Variants in DDX18 observed in about 807,000 individuals in gnomAD.
The protein encoded by DDX18 is ATP-dependent RNA helicase DDX18.
DDX18 carries 23 observed loss-of-function variants against 73.5 expected under a neutral mutation model. The ratio of observed to expected loss-of-function variants is 0.31; its 90% CI spans 0.23 to 0.44. The LOEUF (loss-of-function observed/expected upper bound fraction) is 0.44. Ranked by LOEUF, DDX18 falls within the 20% of genes least tolerant of loss-of-function variation. The pLI, the probability that DDX18 is intolerant of heterozygous loss-of-function variation, is 1.00. For synonymous variants in DDX18, 268 were observed against 282.7 expected, an observed-to-expected ratio of 0.95 and a Z score of 0.52; for missense variants, 753 against 792.9, an observed-to-expected ratio of 0.95 and a Z score of 0.60.
intron 6 of DDX18, 22 bp downstream of exon 6, chr2:117,822,083 T>C: frequency 2.5e-6 from 4 of 1,613,972 alleles, no homozygotes; most frequent in Non-Finnish European, 3.4e-6. Flanking sequence ...AGTGCTTGTC[T>C]CATTGTCTTG....
At position 117,826,164 on chromosome 2, in the gene DDX18, A is replaced by AC. The variant is rs1679924606; in HGVS notation, c.1522-104dup. 2.6e-5 allele frequency: 22 copies of AC among 847,010 alleles called. No individual in the cohort carries two copies. The South Asian group carries it at 3.6e-4, about 14-fold the overall frequency. 52.5% of individuals were successfully genotyped at this position (847,010 alleles called of 1,614,324 possible). On this transcript the variant is annotated intron_variant, in intron 10 of 13. Transcript: ENST00000263239. ...GGTGTGTGTGGCCCAGCACCGTGGG[A>AC]CTACACCATCTCAGTACAGACATGC...
intron 11 of DDX18, 133 bp downstream of exon 11, chr2:117,826,515 A>C (rs867505229): frequency 3.7e-6 from 3 of 812,894 alleles, no homozygotes; most frequent in Admixed American, 2.4e-5. Flanking sequence ...TTAAGCAAGT[A>C]AGGTTTTATG....
chr2:117,819,623 T>C, intron 2 of DDX18, 26 bp from the exon 3 acceptor site: 4 of 1,537,762 alleles, frequency 2.6e-6, no homozygotes, highest in Non-Finnish European at 3.5e-6. Flanking sequence ...AAAAATTTTT[T>C]CGGATTTTGT....
chr2:117,817,838 C>T (rs72834313), intron 2 of DDX18, 110 bp downstream of exon 2: 86,520 of 1,171,740 alleles, frequency 0.074, 3,693 homozygotes, highest in Non-Finnish European at 0.084. Context: ...CCTGTACTCA[C>T]CAGTATGTTA....
rs59119058 is a variant in DDX18 at position 117,826,034 on chromosome 2, CTTTTTTTTTTTTT to C, written c.1522-219_1522-207del. On this transcript the variant is annotated intron_variant, in intron 10 of 13. Coordinates refer to ENST00000263239, the MANE Select transcript of DDX18 (RefSeq NM_006773.4). ...TGTTAATGCAAACATCATGTCCAGC[CTTTTTTTTTTTTT>C]TTTTTTTTTTTTTTTGGGCCTCAAT... 75 of 97,296 alleles carry C rather than the reference CTTTTTTTTTTTTT, an allele frequency of 7.7e-4. 1 individual carries two copies. The highest frequency in any genetic ancestry group is 4.9e-3 in the African/African-American group (59 of 12,054). 6.0% of individuals were successfully genotyped at this position (97,296 alleles called of 1,614,324 possible).
At chr2:117,816,629 AAGG>A (rs984583171) in intron 1 of DDX18, among the ~76,000 whole-genome samples, 81 of 152,318 alleles carry the variant, frequency 5.3e-4, no homozygotes, top group African/African-American at 1.9e-3. Flanking sequence ...TAATAAGTAA[AAGG>A]AGTAAACTCT....
rs1263115095 is a variant in DDX18 at position 117,814,894 on chromosome 2, G to A, written c.85+32G>A. The A allele has an allele frequency of 3.7e-6, 6 of 1,613,018 alleles. No homozygotes were observed. In the South Asian group the frequency reaches 5.5e-5, roughly 15 times the overall value. On this transcript the variant is annotated intron_variant, in intron 1 of 13. Transcript: ENST00000263239. ...TGCGTTGACTCGCGGTGGCTCAGAA[G>A]ACCCACGCGCGAGCCCTGGCGCGTT...
chr2:117,815,163 G>C (rs1178036697), intron 1 of DDX18: 1 of 356,006 alleles, frequency 2.8e-6, no homozygotes, highest in Non-Finnish European at 5.2e-6. Context: ...TTCCACCTTA[G>C]CTTTTGGTTC....
At chr2:117,817,405 C>T (rs978687204) in intron 1 of DDX18, 39 bp from the exon 2 acceptor site, 2 of 1,519,358 alleles carry the variant, frequency 1.3e-6, no homozygotes, top group African/African-American at 1.4e-5. Flanking sequence ...GTAAACTTCT[C>T]CTTCTTTGTC....
chr2:117,828,747 C>G, intron 11 of DDX18: 2 of 556,234 alleles, frequency 3.6e-6, no homozygotes, highest in Non-Finnish European at 3.2e-6. Context: ...CCTTGCCTTT[C>G]AGAAAGAAAG....
rs759386381 is a variant in DDX18 at position 117,821,944 on chromosome 2, C to T, written c.834C>T (p.His278=). 49 of 1,613,960 alleles carry T rather than the reference C, an allele frequency of 3.0e-5. No individual in the cohort carries two copies. In the Middle Eastern group the frequency reaches 2.5e-3, roughly 81 times the overall value. The part of the protein sequence containing the change: ...FGVLKELMTH[H]VHTYGLIMGG... Reference sequence around the variant, plus strand: ...TTCTTAAGGAGCTGATGACTCACCACGTGCATACCTATGGCTTGATAATGG... The same window carrying T: ...TTCTTAAGGAGCTGATGACTCACCATGTGCATACCTATGGCTTGATAATGG... Residue 278 remains histidine, a synonymous_variant, in exon 6 of 14, where the codon CAC becomes CAT. Transcript: ENST00000263239.
intron 13 of DDX18, among the ~76,000 whole-genome samples, 165 bp from the exon 14 acceptor site, chr2:117,830,417 T>G (rs1221363982): frequency 6.6e-6 from 1 of 152,250 alleles, no homozygotes. Context: ...TGGCCACTCC[T>G]AATTTTCTGG....
At position 117,829,486 on chromosome 2, in the gene DDX18, A is replaced by C; in HGVS notation, c.1870+20A>C. On this transcript the variant is annotated intron_variant, in intron 13 of 13. Transcript: ENST00000263239. ...ATCTGAGTATCCTTTTCTTTAATGA[A>C]GTTATCCTGTGACTAAGGAACAAAA... is the stretch of plus-strand genomic sequence containing the variant. 1 of 1,597,506 alleles carries C rather than the reference A, an allele frequency of 6.3e-7. No individual in the cohort carries two copies. The highest frequency in any genetic ancestry group is 1.4e-5 in the African/African-American group (1 of 73,996).
At chr2:117,815,174 C>T (rs949338545) in intron 1 of DDX18, 9 of 330,302 alleles carry the variant, frequency 2.7e-5, no homozygotes, top group South Asian at 1.2e-4. Context: ...CTTTTGGTTC[C>T]CTCACCACCT....
intron 3 of DDX18, among the ~76,000 whole-genome samples, chr2:117,820,308 C>T (rs1215649507): frequency 1.3e-5 from 2 of 152,142 alleles, no homozygotes; most frequent in African/African-American, 2.4e-5. Context: ...TAGTAGCTCT[C>T]GAGCAGGGAA....
In DDX18 at chr2:117,817,719, G is replaced by A; in HGVS notation, c.361G>A (p.Ala121Thr). 1 of 1,600,602 alleles carries A rather than the reference G, an allele frequency of 6.2e-7. No individual in the cohort carries two copies. The highest frequency in any genetic ancestry group is 1.1e-5 in the South Asian group (1 of 87,472). The change falls in exon 2 of 14, where the codon GCT becomes ACT. Residue 121 changes from alanine (A) to threonine (T), a missense_variant. Ala to Thr is a moderately conservative substitution (Grantham distance 58). This residue lies in a region of DDX18 where 345 missense variants were observed against 352.0 expected (regional missense o/e 0.98). Transcript: ENST00000263239. Reference sequence around the variant, plus strand: ...GAAAAAGAGAAAAATGGTGAATGATGCTGAGCCTGGTAGGTATTTATTATC... The same window carrying A: ...GAAAAAGAGAAAAATGGTGAATGATACTGAGCCTGGTAGGTATTTATTATC... ...KKKKRKMVND[A>T]EPDTKKAKTE...
rs1680016879 is a variant in DDX18 at position 117,831,083 on chromosome 2, G to A, written c.*359G>A. 9.1e-6 allele frequency: 2 copies of A among 220,660 alleles called. No individual in the cohort carries two copies. The highest frequency in any genetic ancestry group is 1.4e-4 in the South Asian group (2 of 14,676). The allele number at this position is 220,660 out of a possible 1,614,324, so 13.7% of individuals were successfully genotyped here. On this transcript the variant is annotated 3_prime_UTR_variant, in exon 14 of 14. Transcript: ENST00000263239. ...GTTTTGCGAAGATTTTTGTGGCATGGATTGCTGTGCTCACTGCTGTAAAAG... is the reference window on the plus strand; with the variant it reads ...GTTTTGCGAAGATTTTTGTGGCATGAATTGCTGTGCTCACTGCTGTAAAAG...
At position 117,821,309 on chromosome 2, in the gene DDX18, T is replaced by A; in HGVS notation, c.650+13T>A. 8.8e-6 allele frequency: 14 copies of A among 1,593,012 alleles called. No homozygotes were observed. Among genetic ancestry groups the A allele is most frequent in the Non-Finnish European group, 1.2e-5 (14 of 1,173,352 alleles). On this transcript the variant is annotated intron_variant, in intron 4 of 13. Transcript: ENST00000263239. Reference sequence around the variant, plus strand: ...TTCTGGAAGGCAGGTATGATTAACATTGAAGCTTAGATATTGGCATCTATT... The same window carrying A: ...TTCTGGAAGGCAGGTATGATTAACAATGAAGCTTAGATATTGGCATCTATT...
At chr2:117,821,474 G>C (rs1309001144) in intron 4 of DDX18, among the ~76,000 whole-genome samples, 176 bp from the exon 5 acceptor site, 5 of 152,194 alleles carry the variant, frequency 3.3e-5, no homozygotes, top group Non-Finnish European at 5.9e-5. Flanking sequence ...AAGGTGTTCT[G>C]CTTCTGTTGT....
Sources: gnomAD v4.1 joint callset for allele counts (sites outside exome capture counted in the v4.1 genomes callset) on GRCh38, gnomAD v4.1.1 for gene constraint, gnomAD v4.1.1 regional missense constraint, MANE v1.5 for transcripts, NCBI Gene and HGNC (gene_info 2026-07-23, HGNC 2026-07-21) for gene names.